SV2B: variants seen among roughly 807,000 people sequenced by gnomAD.
The protein encoded by SV2B is solute carrier family 22 member B2.
In SV2B, 41 loss-of-function variants were observed where a neutral mutation model predicts 73.9. The observed-to-expected ratio is 0.56, with a 90% CI of 0.43 to 0.72. SV2B has a LOEUF of 0.72. Ranked by LOEUF, SV2B falls within the 30% of genes least tolerant of loss-of-function variation. The pLI, the probability that SV2B is intolerant of heterozygous loss-of-function variation, is 0.00. For synonymous variants in SV2B, 314 were observed against 314.2 expected, an observed-to-expected ratio of 1.00 and a Z score of 0.01; for missense variants, 764 against 857.8, an observed-to-expected ratio of 0.89 and a Z score of 1.37.
intron 1 of SV2B, among the ~76,000 whole-genome samples, chr15:91,186,412 G>C (rs1020488099): frequency 2.0e-5 from 3 of 152,186 alleles, no homozygotes; most frequent in African/African-American, 4.8e-5. Context: ...TACATGGAGT[G>C]AGACAAAGCT....
chr15:91,264,430 G>C (rs1262204730), intron 6 of SV2B, among the ~76,000 whole-genome samples: 2 of 152,238 alleles, frequency 1.3e-5, no homozygotes, highest in Admixed American at 1.3e-4. Context: ...GTCGAACATG[G>C]AAGCAGAGCA....
intron 1 of SV2B, among the ~76,000 whole-genome samples, chr15:91,117,982 G>A (rs977610632): frequency 4.6e-5 from 7 of 152,162 alleles, no homozygotes; most frequent in African/African-American, 1.4e-4. Context: ...AATTCCTCAT[G>A]ACTTTCAAGA....
chr15:91,255,021 C>A (rs1204190030), intron 4 of SV2B, among the ~76,000 whole-genome samples: 1 of 152,174 alleles, frequency 6.6e-6, no homozygotes, highest in Non-Finnish European at 1.5e-5. Context: ...CACTTCCTTC[C>A]CCATCCCTGG....
chr15:91,198,380 C>A (rs1368298947), intron 1 of SV2B, among the ~76,000 whole-genome samples: 3 of 151,850 alleles, frequency 2.0e-5, no homozygotes, highest in Non-Finnish European at 4.4e-5. Flanking sequence ...CCATTACCTT[C>A]GGCACTGAAC....
chr15:91,174,818 C>A (rs545714233), intron 1 of SV2B, among the ~76,000 whole-genome samples: 1 of 152,330 alleles, frequency 6.6e-6, no homozygotes, highest in African/African-American at 2.4e-5. Flanking sequence ...GCCTTCTGAG[C>A]CTGGTGGCAT....
intron 1 of SV2B, among the ~76,000 whole-genome samples, chr15:91,213,918 C>CT (rs1179375364): frequency 2.6e-5 from 4 of 152,084 alleles, no homozygotes; most frequent in Non-Finnish European, 4.4e-5. Context: ...CAAAAGGAGG[C>CT]TTTTTCCTTG....
Position 91,141,294 on chromosome 15 carries a change from C to T in SV2B, c.-392+40931C>T, listed in dbSNP as rs868717606. ...TGAGTTAGAGCTATTCTAGCAAGGG[C>T]GTGGAGTGTTTCCAGATTTTTGCTG... On this transcript the variant is annotated intron_variant, in intron 1 of 12. Coordinates refer to ENST00000394232, the MANE Select transcript of SV2B (RefSeq NM_001323032.3). This position sits in a 1 kb window ranked among gnomAD's most constrained non-coding sequence, Gnocchi z 4.6. 2.6e-5 allele frequency among the ~76,000 whole-genome samples: 4 copies of T among 152,134 alleles called. No homozygotes were observed. The highest frequency in any genetic ancestry group is 7.2e-5 in the African/African-American group (3 of 41,424).
At position 91,253,307 on chromosome 15, in the gene SV2B, T is replaced by C. The variant is rs2285625; in HGVS notation, c.784+787T>C. Among the ~76,000 whole-genome samples the C allele has an allele frequency of 0.36, 54,818 of 152,070 alleles. 11,450 individuals carry two copies. The highest frequency in any genetic ancestry group is 0.56 in the African/African-American group (23,390 of 41,456). On this transcript the variant is annotated intron_variant, in intron 4 of 12. Coordinates refer to ENST00000394232, the MANE Select transcript of SV2B (RefSeq NM_001323032.3). This position sits in a 1 kb window ranked among gnomAD's most constrained non-coding sequence, Gnocchi z 5.0. ...GTATAGGTTCAGCAGTGGTTTAGAA[T>C]CCTCAGACCCCGAGGGGGTAGCAGA...
At chr15:91,138,378 G>A (rs180979825) in intron 1 of SV2B, among the ~76,000 whole-genome samples, 70 of 152,290 alleles carry the variant, frequency 4.6e-4, no homozygotes, top group Middle Eastern at 3.4e-3. Flanking sequence ...AGCCACATGT[G>A]GCTCTTGGTT....
At chr15:91,160,695 G>A (rs1362835968) in intron 1 of SV2B, among the ~76,000 whole-genome samples, 1 of 152,108 alleles carries the variant, frequency 6.6e-6, no homozygotes, top group East Asian at 1.9e-4. Context: ...GACTTCAAGA[G>A]GGAGTCCCAA....
At chr15:91,199,701 C>T (rs1272896885) in intron 1 of SV2B, among the ~76,000 whole-genome samples, 2 of 152,104 alleles carry the variant, frequency 1.3e-5, no homozygotes, top group Non-Finnish European at 2.9e-5. Context: ...GTTTCAGTGC[C>T]CAGGTGGGGT....
At chr15:91,109,848 ACCTCAG>A (rs2041990047) in intron 1 of SV2B, among the ~76,000 whole-genome samples, 1 of 151,878 alleles carries the variant, frequency 6.6e-6, no homozygotes, top group African/African-American at 2.4e-5. Flanking sequence ...CAATCCTCTC[ACCTCAG>A]CCTCCCAAGT....
chr15:91,259,127 T>C (rs1196691638), intron 5 of SV2B, among the ~76,000 whole-genome samples: 5 of 151,470 alleles, frequency 3.3e-5, no homozygotes, highest in African/African-American at 1.2e-4. Context: ...AATAAATAAA[T>C]AAATAAAGGA....
Position 91,197,908 on chromosome 15 carries a change from C to T in SV2B, c.-391-27965C>T, listed in dbSNP as rs572892283. 1.3e-5 allele frequency among the ~76,000 whole-genome samples: 2 copies of T among 152,106 alleles called. No homozygotes were observed. The highest frequency in any genetic ancestry group is 1.9e-4 in the East Asian group (1 of 5,150). ...AATTAGCCAGGCATGGTGGGGGACC[C>T]GTGTAATCCCAGCTACTTGGCAGGC... On this transcript the variant is annotated intron_variant, in intron 1 of 12. Transcript: ENST00000394232. The surrounding 1 kb of genome is among the most constrained non-coding windows in gnomAD (Gnocchi z 4.9).
intron 1 of SV2B, among the ~76,000 whole-genome samples, chr15:91,112,273 G>C (rs1362808011): frequency 1.3e-5 from 2 of 152,204 alleles, no homozygotes; most frequent in African/African-American, 2.4e-5. Context: ...GAACCATGGT[G>C]ATACAGAGGA....
intron 5 of SV2B, among the ~76,000 whole-genome samples, chr15:91,259,601 C>T (rs923679664): frequency 1.3e-5 from 2 of 152,120 alleles, no homozygotes; most frequent in Non-Finnish European, 2.9e-5. Flanking sequence ...GCTTGAAGTC[C>T]CAAATCAAAG....
intron 1 of SV2B, among the ~76,000 whole-genome samples, chr15:91,207,985 A>C (rs2045706737): frequency 6.6e-6 from 1 of 152,192 alleles, no homozygotes; most frequent in South Asian, 2.1e-4. Flanking sequence ...AAGAAGGGGC[A>C]AGTGGAATTC....
In SV2B at chr15:91,229,737, C is replaced by T. The variant is rs1007938361; in HGVS notation, c.451+3023C>T. Among the ~76,000 whole-genome samples the T allele has an allele frequency of 9.2e-5, 14 of 152,142 alleles. No homozygotes were observed. Among genetic ancestry groups the T allele is most frequent in the African/African-American group, 1.2e-4 (5 of 41,416 alleles). On this transcript the variant is annotated intron_variant, in intron 2 of 12. Coordinates refer to ENST00000394232, the MANE Select transcript of SV2B (RefSeq NM_001323032.3). The surrounding 1 kb of genome is among the most constrained non-coding windows in gnomAD (Gnocchi z 4.3). ...AAGATATCTTAGTTATTATTATTGT[C>T]GATTGTGGTTGTTCTTATTACTAAA...
chr15:91,213,441 G>A (rs1306937397), intron 1 of SV2B, among the ~76,000 whole-genome samples: 1 of 152,170 alleles, frequency 6.6e-6, no homozygotes, highest in East Asian at 1.9e-4. Flanking sequence ...CTGAGCCTTA[G>A]TTATCTATGG....
Sources: gnomAD v4.1 joint callset for allele counts (sites outside exome capture counted in the v4.1 genomes callset) on GRCh38, gnomAD v4.1.1 for gene constraint, Gnocchi (gnomAD v3.1) non-coding constraint, MANE v1.5 for transcripts, NCBI Gene and HGNC (gene_info 2026-07-23, HGNC 2026-07-21) for gene names.